SYK: variants seen among roughly 807,000 people sequenced by gnomAD.
The protein encoded by SYK is spleen associated tyrosine kinase, also known as tyrosine-protein kinase SYK.
Under a neutral mutation model 77.8 loss-of-function variants are expected in SYK, and 16 were observed. The ratio of observed to expected loss-of-function variants is 0.21; its 90% CI spans 0.14 to 0.31. The LOEUF is 0.31. Among genes scored for constraint, SYK ranks in the 10% least tolerant of loss-of-function variants. The pLI is 1.00. For missense variants in SYK, 529 were observed against 814.4 expected, an observed-to-expected ratio of 0.65 and a Z score of 4.26; for synonymous variants, 312 against 308.7, an observed-to-expected ratio of 1.01 and a Z score of -0.11.
chr9:90,814,798 A>G (rs891868000), intron 1 of SYK, among the ~76,000 whole-genome samples: 1 of 151,470 alleles, frequency 6.6e-6, no homozygotes, highest in South Asian at 2.1e-4. Context: ...TTCATCCCCA[A>G]GGCTGTAACA....
chr9:90,806,972 C>T (rs2115485), intron 1 of SYK, among the ~76,000 whole-genome samples: 35,504 of 152,150 alleles, frequency 0.23, 4,202 homozygotes, highest in Middle Eastern at 0.35. Context: ...TTGATTGATT[C>T]CTGAAGTGGA....
chr9:90,866,408 C>T (rs1000601407), intron 6 of SYK, among the ~76,000 whole-genome samples: 2 of 152,216 alleles, frequency 1.3e-5, no homozygotes, highest in East Asian at 1.9e-4. Context: ...ATGCAGGGAA[C>T]GTGAATTTGC....
intron 3 of SYK, among the ~76,000 whole-genome samples, chr9:90,861,384 C>T (rs978839962): frequency 2.6e-5 from 4 of 152,226 alleles, no homozygotes; most frequent in Non-Finnish European, 2.9e-5. Context: ...ACGGCCAGCA[C>T]AGCTCTGGTT....
intron 1 of SYK, among the ~76,000 whole-genome samples, chr9:90,840,364 T>G (rs1826250035): frequency 6.6e-6 from 1 of 151,872 alleles, no homozygotes; most frequent in Admixed American, 6.6e-5. Flanking sequence ...GAAATGAGGT[T>G]GGAGGCCCGA....
chr9:90,839,193 T>C (rs1441430708), intron 1 of SYK, among the ~76,000 whole-genome samples: 1 of 151,978 alleles, frequency 6.6e-6, no homozygotes, highest in African/African-American at 2.4e-5. Context: ...CCTGAGAAGG[T>C]ATGCACAGGA....
intron 1 of SYK, among the ~76,000 whole-genome samples, chr9:90,825,159 T>A (rs1825631007): frequency 6.6e-6 from 1 of 150,794 alleles, no homozygotes; most frequent in Middle Eastern, 3.4e-3. Flanking sequence ...GGTATAAATC[T>A]AACAAAATAT....
chr9:90,864,915 A>C (rs1827420287), intron 5 of SYK, 133 bp from the exon 6 acceptor site: 1 of 896,950 alleles, frequency 1.1e-6, no homozygotes, highest in Admixed American at 2.3e-5. Context: ...GGGTCGAAAG[A>C]AGTACCTGCA....
chr9:90,808,336 T>G (rs2118271975), intron 1 of SYK, among the ~76,000 whole-genome samples: 1 of 152,314 alleles, frequency 6.6e-6, no homozygotes, highest in South Asian at 2.1e-4. Context: ...GTGTATTTTA[T>G]TACTTGTTTG....
intron 1 of SYK, among the ~76,000 whole-genome samples, chr9:90,809,904 G>A (rs1004506511): frequency 1.3e-5 from 2 of 152,030 alleles, no homozygotes; most frequent in Non-Finnish European, 2.9e-5. Flanking sequence ...TTTCCCTCCT[G>A]TTATGGAAAT....
At position 90,897,020 on chromosome 9, in the gene SYK, C is replaced by T. The variant is rs1389072592; in HGVS notation, c.*1420C>T. 4.8e-6 allele frequency: 1 copy of T among 209,688 alleles called. No individual in the cohort carries two copies. Among genetic ancestry groups the T allele is most frequent in the African/African-American group, 2.3e-5 (1 of 44,068 alleles). The allele number at this position is 209,688 out of a possible 1,614,324, so 13.0% of individuals were successfully genotyped here. A position where few individuals can be genotyped will look rare whatever the true frequency, so the allele number is the denominator to read the frequency against. On this transcript the variant is annotated 3_prime_UTR_variant, in exon 14 of 14. Transcript: ENST00000375754. ...CCAGCTTGGGCATCACAGCGAGACTCTGTCAAAACAAACAAACAAAAAAAC... is the reference window on the plus strand; with the variant it reads ...CCAGCTTGGGCATCACAGCGAGACTTTGTCAAAACAAACAAACAAAAAAAC...
intron 1 of SYK, among the ~76,000 whole-genome samples, chr9:90,834,466 G>A (rs73503988): frequency 0.02 from 3,012 of 152,274 alleles, 112 homozygotes; most frequent in African/African-American, 0.069. Flanking sequence ...GGGCCGGGTC[G>A]CCAGCGTTCC....
At chr9:90,829,952 A>G (rs1262403628) in intron 1 of SYK, among the ~76,000 whole-genome samples, 2 of 152,210 alleles carry the variant, frequency 1.3e-5, no homozygotes, top group South Asian at 2.1e-4. Context: ...TACTTGATGC[A>G]CTTTCAATCT....
chr9:90,863,605 A>G (rs1460883141), intron 4 of SYK, among the ~76,000 whole-genome samples: 2 of 152,104 alleles, frequency 1.3e-5, no homozygotes, highest in Non-Finnish European at 2.9e-5. Context: ...GCTCATTGCC[A>G]TTTGTCATCA....
At position 90,820,861 on chromosome 9, in the gene SYK, CTT is replaced by C. The variant is rs548831527; in HGVS notation, c.-42+18980_-42+18981del. Among the ~76,000 whole-genome samples, 942 of 145,680 alleles carry C rather than the reference CTT, an allele frequency of 6.5e-3. 7 individuals carry two copies. The highest frequency in any genetic ancestry group is 0.022 in the African/African-American group (879 of 39,994). On this transcript the variant is annotated intron_variant, in intron 1 of 13. Transcript: ENST00000375754. ...TGCAAATTTTCCAAACTTTTATGCT[CTT>C]TTTTTTTTTTTAATAAAACTGAATG... is the stretch of plus-strand genomic sequence containing the variant.
At chr9:90,862,614 G>A (rs10821515) in intron 4 of SYK, among the ~76,000 whole-genome samples, 36,563 of 152,166 alleles carry the variant, frequency 0.24, 4,829 homozygotes, top group Middle Eastern at 0.37. Context: ...TGAGGTGAAC[G>A]AAGGTTCCAT....
At chr9:90,833,798 TA>T (rs1186013332) in intron 1 of SYK, among the ~76,000 whole-genome samples, 3 of 152,182 alleles carry the variant, frequency 2.0e-5, no homozygotes, top group African/African-American at 7.2e-5. Flanking sequence ...AGTCCTGGCA[TA>T]GGGGAAATGG....
In SYK at chr9:90,896,969, G is replaced by A. The variant is rs753432399; in HGVS notation, c.*1369G>A. On this transcript the variant is annotated 3_prime_UTR_variant, in exon 14 of 14. Transcript: ENST00000375754. Reference sequence around the variant, plus strand: ...TTGAACCCAGGAAACGGAGGTCGCAGTGAGCCAAGATCATGCCACTGCACT... The same window carrying A: ...TTGAACCCAGGAAACGGAGGTCGCAATGAGCCAAGATCATGCCACTGCACT... The A allele has an allele frequency of 1.4e-4, 29 of 201,206 alleles. No individual in the cohort carries two copies. The highest frequency in any genetic ancestry group is 5.7e-4 in the South Asian group (3 of 5,240). 12.5% of individuals were successfully genotyped at this position (201,206 alleles called of 1,614,324 possible). A position where few individuals can be genotyped will look rare whatever the true frequency, so the allele number is the denominator to read the frequency against.
chr9:90,856,740 C>G (rs927467753), intron 3 of SYK, among the ~76,000 whole-genome samples: 1 of 152,042 alleles, frequency 6.6e-6, no homozygotes, highest in Non-Finnish European at 1.5e-5. Context: ...ACTACCGAAA[C>G]TTTTGGAGGA....
At chr9:90,802,414 T>C (rs1189993361) in intron 1 of SYK, among the ~76,000 whole-genome samples, 1 of 152,236 alleles carries the variant, frequency 6.6e-6, no homozygotes, top group South Asian at 2.1e-4. Flanking sequence ...AGCAGTTGCA[T>C]TCAAACAACA....
Sources: allele counts gnomAD v4.1 joint callset (sites outside exome capture counted in the v4.1 genomes callset), GRCh38; gene constraint gnomAD v4.1.1; transcripts MANE v1.5; gene names NCBI Gene and HGNC (gene_info 2026-07-23, HGNC 2026-07-21).